The following LGSN variants were observed in gnomAD, a reference collection of about 807,000 sequenced individuals.
LGSN encodes the protein lengsin.
Under a neutral mutation model 19.5 loss-of-function variants are expected in LGSN, and 21 were observed. The ratio of observed to expected loss-of-function variants is 1.07; its 90% CI spans 0.76 to 1.55. The LOEUF is 1.55. Ranked by LOEUF, LGSN falls within the 40% of genes most tolerant of loss-of-function variation. LGSN has a pLI of 0.00. For synonymous variants in LGSN, 257 were observed against 215.6 expected, an observed-to-expected ratio of 1.19 and a Z score of -1.68; for missense variants, 673 against 608.5, an observed-to-expected ratio of 1.11 and a Z score of -1.12.
chr6:63,558,091 C>T, the LGSN span, among the ~76,000 whole-genome samples: 3 of 151,956 alleles, frequency 2.0e-5, no homozygotes, highest in South Asian at 4.1e-4. Flanking sequence ...AGGCTGGTCT[C>T]GAACTCCTGA....
At chr6:63,445,109 G>A in the LGSN span, among the ~76,000 whole-genome samples, 3 of 152,248 alleles carry the variant, frequency 2.0e-5, no homozygotes, top group East Asian at 1.9e-4. Flanking sequence ...TCAGGAGTTC[G>A]AGACCAGCCT....
At chr6:63,507,324 T>A in the LGSN span, among the ~76,000 whole-genome samples, 301 of 152,290 alleles carry the variant, frequency 2.0e-3, 1 homozygote, top group Non-Finnish European at 3.9e-3. Flanking sequence ...GAGGCCCAAG[T>A]GTGAGTTAAG....
chr6:63,449,857 AT>A, the LGSN span, among the ~76,000 whole-genome samples: 4 of 152,316 alleles, frequency 2.6e-5, no homozygotes, highest in Admixed American at 2.0e-4. Context: ...GTAAGCCACT[AT>A]GTGGCTTAGC....
the LGSN span, among the ~76,000 whole-genome samples, chr6:63,472,759 T>C: frequency 6.6e-6 from 1 of 151,792 alleles, no homozygotes; most frequent in African/African-American, 2.4e-5. Flanking sequence ...GCTAACGCAG[T>C]GAAACCCTGT....
At chr6:63,456,209 G>A in the LGSN span, among the ~76,000 whole-genome samples, 1 of 151,262 alleles carries the variant, frequency 6.6e-6, no homozygotes, top group Admixed American at 6.6e-5. Flanking sequence ...CAGCCCTGGG[G>A]ACAGTGGGAG....
chr6:63,361,272 G>A, the LGSN span, among the ~76,000 whole-genome samples: 1 of 152,214 alleles, frequency 6.6e-6, no homozygotes, highest in Non-Finnish European at 1.5e-5. Flanking sequence ...TACAGATGCA[G>A]GCAGTCCTCC....
chr6:63,457,534 T>C, the LGSN span, among the ~76,000 whole-genome samples: 1 of 151,776 alleles, frequency 6.6e-6, no homozygotes, highest in African/African-American at 2.4e-5. Context: ...TAAAATATAG[T>C]CTGGCAATCC....
At chr6:63,402,060 G>T in the LGSN span, among the ~76,000 whole-genome samples, 4 of 152,162 alleles carry the variant, frequency 2.6e-5, no homozygotes, top group Non-Finnish European at 5.9e-5. Flanking sequence ...GAAGACGTAG[G>T]AGGTGAAAAA....
the LGSN span, among the ~76,000 whole-genome samples, chr6:63,351,613 T>C: frequency 6.6e-6 from 1 of 152,080 alleles, no homozygotes; most frequent in African/African-American, 2.4e-5. Flanking sequence ...CCCGCCACCA[T>C]GCCAGGCTAA....
chr6:63,369,353 C>G, the LGSN span, among the ~76,000 whole-genome samples: 4 of 152,174 alleles, frequency 2.6e-5, no homozygotes, highest in Admixed American at 2.0e-4. Context: ...TATTAGGTGG[C>G]AACAATGCTA....
chr6:63,375,275 TG>T, the LGSN span, among the ~76,000 whole-genome samples: 2 of 152,094 alleles, frequency 1.3e-5, no homozygotes, highest in African/African-American at 4.8e-5. Flanking sequence ...AATACATTAT[TG>T]GTGGTCCTCA....
chr6:63,502,283 A>G, the LGSN span, among the ~76,000 whole-genome samples: 1 of 152,222 alleles, frequency 6.6e-6, no homozygotes, highest in Non-Finnish European at 1.5e-5. Flanking sequence ...TCTGAGAAAA[A>G]GCAGAGGGTG....
the LGSN span, among the ~76,000 whole-genome samples, chr6:63,390,875 A>C: frequency 6.7e-6 from 1 of 148,820 alleles, no homozygotes; most frequent in East Asian, 1.9e-4. Flanking sequence ...AAAAAAAAAA[A>C]AAGAAAAGAA....
the LGSN span, among the ~76,000 whole-genome samples, chr6:63,342,145 C>T: frequency 6.6e-6 from 1 of 152,160 alleles, no homozygotes; most frequent in Non-Finnish European, 1.5e-5. Flanking sequence ...CTTTGTAAGG[C>T]CAGTTCTGTG....
chr6:63,305,895 T>A (rs1303755141), intron 1 of LGSN, among the ~76,000 whole-genome samples: 1 of 151,890 alleles, frequency 6.6e-6, no homozygotes, highest in Non-Finnish European at 1.5e-5. Flanking sequence ...ACTCCATCTC[T>A]ACAAAAAATA....
chr6:63,328,123 C>T, the LGSN span, among the ~76,000 whole-genome samples: 1 of 152,236 alleles, frequency 6.6e-6, no homozygotes, highest in African/African-American at 2.4e-5. Flanking sequence ...GTTCTGCTAA[C>T]TGGGCACTGG....
the LGSN span, among the ~76,000 whole-genome samples, chr6:63,530,629 G>GA: frequency 4.0e-5 from 6 of 151,562 alleles, no homozygotes; most frequent in Admixed American, 3.9e-4. Context: ...GGGAATAATA[G>GA]AAAAAAAGGA....
chr6:63,285,829 G>A (rs1767513570), intron 2 of LGSN, 76 bp from the exon 3 acceptor site: 6 of 1,101,490 alleles, frequency 5.4e-6, no homozygotes, highest in Non-Finnish European at 6.8e-6. Context: ...GGAGACTAGT[G>A]AATTAGTCAA....
At chr6:63,297,181 A>C (rs1369128519) in intron 1 of LGSN, among the ~76,000 whole-genome samples, 1 of 151,926 alleles carries the variant, frequency 6.6e-6, no homozygotes, top group Non-Finnish European at 1.5e-5. Flanking sequence ...CTCTACTAAA[A>C]ATACAAAAAT....
Sources: gnomAD v4.1 joint callset for allele counts (sites outside exome capture counted in the v4.1 genomes callset) on GRCh38, gnomAD v4.1.1 for gene constraint, MANE v1.5 for transcripts, NCBI Gene and HGNC (gene_info 2026-07-23, HGNC 2026-07-21) for gene names.